The following GABRA2 variants were observed in gnomAD, a reference collection of about 807,000 sequenced individuals.
GABRA2 encodes gamma-aminobutyric acid receptor subunit alpha-2.
A neutral mutation model predicts 48.7 loss-of-function variants in GABRA2; 16 were observed. The observed-to-expected ratio is 0.33, with a 90% CI of 0.22 to 0.50. GABRA2 has a LOEUF of 0.50. Ranked by LOEUF, GABRA2 falls within the 20% of genes least tolerant of loss-of-function variation. GABRA2 has a pLI of 0.98. For missense variants in GABRA2, 275 were observed against 535.6 expected, an observed-to-expected ratio of 0.51 and a Z score of 4.80; for synonymous variants, 185 against 184.5, an observed-to-expected ratio of 1.00 and a Z score of -0.02.
intron 4 of GABRA2, among the ~76,000 whole-genome samples, chr4:46,330,597 G>GAC (rs1731190617): frequency 6.9e-6 from 1 of 145,168 alleles, no homozygotes; most frequent in Admixed American, 7.2e-5. Flanking sequence ...TATATAGAGA[G>GAC]AGAGAGAGAG....
In GABRA2 at chr4:46,256,408, C is replaced by T. The variant is rs556095941; in HGVS notation, c.1059+5518G>A. ...AACATCAATATGAAATCCATTATTG[C>T]GTTTATTGGGAAAAATTTGACATCA... On this transcript the variant is annotated intron_variant, in intron 9 of 9. Coordinates refer to ENST00000381620, the MANE Select transcript of GABRA2 (RefSeq NM_000807.4). 9.2e-4 allele frequency: 451 copies of T among 487,784 alleles called. 1 individual carries two copies. The highest frequency in any genetic ancestry group is 1.3e-3 in the Non-Finnish European group (340 of 269,588). 30.2% of individuals were successfully genotyped at this position (487,784 alleles called of 1,614,324 possible).
Position 46,389,856 on chromosome 4 carries a change from AGAGAGACC to A in GABRA2, c.-140_-133del, listed in dbSNP as rs1352780875. The A allele has an allele frequency of 2.1e-6, 2 of 966,704 alleles. No individual in the cohort carries two copies. The highest frequency in any genetic ancestry group is 1.4e-4 in the Admixed American group (2 of 14,716). 59.9% of individuals were successfully genotyped at this position (966,704 alleles called of 1,614,324 possible). On this transcript the variant is annotated 5_prime_UTR_variant, in exon 1 of 10. Transcript: ENST00000381620. ...GAGAGAGAGAGAGAGAGAGAGAGAG[AGAGAGACC>A]GAGACTGCAGCAGCCAAGAGAGCGT...
chr4:46,375,910 A>T (rs1329584450), intron 3 of GABRA2, among the ~76,000 whole-genome samples: 1 of 152,238 alleles, frequency 6.6e-6, no homozygotes, highest in East Asian at 1.9e-4. Context: ...CTATACTTAC[A>T]GCTACAAAAC....
intron 8 of GABRA2, among the ~76,000 whole-genome samples, chr4:46,288,891 C>CAA (rs146537534): frequency 4.0e-5 from 6 of 151,478 alleles, no homozygotes; most frequent in Middle Eastern, 3.2e-3. Context: ...TGAAAGTAGA[C>CAA]AAAAAACATG....
Position 46,312,734 on chromosome 4 carries a change from A to T in GABRA2, c.256-18T>A, listed in dbSNP as rs532218449. The T allele has an allele frequency of 2.3e-5, 30 of 1,331,606 alleles. No homozygotes were observed. The South Asian group carries it at 3.8e-4, about 17-fold the overall frequency. 82.5% of individuals were successfully genotyped at this position (1,331,606 alleles called of 1,614,324 possible). A position where few individuals can be genotyped will look rare whatever the true frequency, so the allele number is the denominator to read the frequency against. ...GTATATTCCTGAAATAAAAAATAGA[A>T]TTTTTTTGAAAATAGTAAATGTTGT... On this transcript the variant is annotated intron_variant, in intron 4 of 9. Coordinates refer to ENST00000381620, the MANE Select transcript of GABRA2 (RefSeq NM_000807.4).
intron 3 of GABRA2, chr4:46,364,968 C>A (rs983693492): frequency 6.6e-6 from 1 of 152,238 alleles, no homozygotes; most frequent in Non-Finnish European, 1.5e-5. Context: ...TAAAAATTGT[C>A]TATTGCATAA....
chr4:46,298,113 A>G (rs993440097), intron 8 of GABRA2, among the ~76,000 whole-genome samples: 1 of 152,028 alleles, frequency 6.6e-6, no homozygotes, highest in Non-Finnish European at 1.5e-5. Flanking sequence ...TATTATTTCA[A>G]CCTTCTAAAA....
At chr4:46,294,079 C>T (rs1235012442) in intron 8 of GABRA2, among the ~76,000 whole-genome samples, 1 of 152,196 alleles carries the variant, frequency 6.6e-6, no homozygotes, top group African/African-American at 2.4e-5. Context: ...CTTCAGCTGG[C>T]AAGGCCAGCA....
In GABRA2 at chr4:46,301,430, G is replaced by A. The variant is rs926776762; in HGVS notation, c.856+2030C>T. Among the ~76,000 whole-genome samples the A allele has an allele frequency of 3.9e-5, 6 of 152,116 alleles. No homozygotes were observed. In the East Asian group the frequency reaches 5.8e-4, roughly 15 times the overall value. Reference sequence around the variant, plus strand: ...ACACCATAGTGACTTGCTATAACCCGTTAAGATAAAAGTACATTTTATTAC... The same window carrying A: ...ACACCATAGTGACTTGCTATAACCCATTAAGATAAAAGTACATTTTATTAC... On this transcript the variant is annotated intron_variant, in intron 8 of 9. Transcript: ENST00000381620.
At position 46,390,088 on chromosome 4, in the gene GABRA2, C is replaced by G. The variant is rs2109398377; in HGVS notation, c.-364G>C. On this transcript the variant is annotated 5_prime_UTR_variant, in exon 1 of 10. Coordinates refer to ENST00000381620, the MANE Select transcript of GABRA2 (RefSeq NM_000807.4). ...GAAATTGGGGGGACGCGGGCGGAGGCGCGGTGCGCGCCGGCGGTGGCGGGC... is the reference window on the plus strand; with the variant it reads ...GAAATTGGGGGGACGCGGGCGGAGGGGCGGTGCGCGCCGGCGGTGGCGGGC... 1.0e-6 allele frequency: 1 copy of G among 955,322 alleles called. No homozygotes were observed. 59.2% of individuals were successfully genotyped at this position (955,322 alleles called of 1,614,324 possible).
chr4:46,388,980 C>A, intron 1 of GABRA2: 4 of 1,245,380 alleles, frequency 3.2e-6, no homozygotes, highest in Non-Finnish European at 4.0e-6. Flanking sequence ...AGTAATCAGA[C>A]TTCTCTCTGC....
intron 3 of GABRA2, among the ~76,000 whole-genome samples, chr4:46,335,716 C>T (rs1223737088): frequency 6.6e-6 from 1 of 152,074 alleles, no homozygotes; most frequent in Non-Finnish European, 1.5e-5. Flanking sequence ...GGTGATCCAC[C>T]CACCTCGGCC....
At chr4:46,385,103 ATATAT>A (rs1288453630) in intron 3 of GABRA2, among the ~76,000 whole-genome samples, 7 of 138,500 alleles carry the variant, frequency 5.1e-5, no homozygotes, top group African/African-American at 1.9e-4. Flanking sequence ...ATATATATAT[ATATAT>A]AAACAAAACT....
At chr4:46,336,424 C>A (rs919687356) in intron 3 of GABRA2, among the ~76,000 whole-genome samples, 2 of 152,112 alleles carry the variant, frequency 1.3e-5, no homozygotes, top group Non-Finnish European at 1.5e-5. Flanking sequence ...AAATTGAAGT[C>A]TGAACAGTTA....
chr4:46,249,928 T>C lies in GABRA2; in HGVS notation c.*380A>G. 1 of 168,544 alleles carries C rather than the reference T, an allele frequency of 5.9e-6. No individual in the cohort carries two copies. Among genetic ancestry groups the C allele is most frequent in the South Asian group, 1.6e-4 (1 of 6,190 alleles). 10.4% of individuals were successfully genotyped at this position (168,544 alleles called of 1,614,324 possible). Reference sequence around the variant, plus strand: ...CTAGGAATGACAATGTTATCTTCCATCATAATTAAGCAACAGTAGAAAATA... The same window carrying C: ...CTAGGAATGACAATGTTATCTTCCACCATAATTAAGCAACAGTAGAAAATA... On this transcript the variant is annotated 3_prime_UTR_variant, in exon 10 of 10. Coordinates refer to ENST00000381620, the MANE Select transcript of GABRA2 (RefSeq NM_000807.4).
At chr4:46,384,030 T>C (rs1717113570) in intron 3 of GABRA2, among the ~76,000 whole-genome samples, 1 of 152,186 alleles carries the variant, frequency 6.6e-6, no homozygotes, top group Admixed American at 6.5e-5. Context: ...TGTGTACACT[T>C]TTTGTTTATA....
chr4:46,255,304 AG>A (rs2109399627), intron 9 of GABRA2, among the ~76,000 whole-genome samples: 1 of 151,684 alleles, frequency 6.6e-6, no homozygotes, highest in East Asian at 1.9e-4. Flanking sequence ...TATGTCATAT[AG>A]ACTATAATAA....
At chr4:46,309,631 C>G (rs1255698182) in intron 6 of GABRA2, among the ~76,000 whole-genome samples, 1 of 151,898 alleles carries the variant, frequency 6.6e-6, no homozygotes, top group African/African-American at 2.4e-5. Flanking sequence ...ACTGCACAGA[C>G]CCTTTTCTGA....
intron 3 of GABRA2, among the ~76,000 whole-genome samples, chr4:46,373,299 T>C (rs920249005): frequency 2.6e-5 from 4 of 152,286 alleles, no homozygotes; most frequent in African/African-American, 9.6e-5. Context: ...GTTAAAGATA[T>C]TAATTGTGCC....
Sources: gnomAD v4.1 joint callset for allele counts (sites outside exome capture counted in the v4.1 genomes callset) on GRCh38, gnomAD v4.1.1 for gene constraint, MANE v1.5 for transcripts, NCBI Gene and HGNC (gene_info 2026-07-23, HGNC 2026-07-21) for gene names.